Variants in ANGPT2 observed in about 807,000 individuals in gnomAD.
ANGPT2 encodes the protein angiopoietin 2, also known as angiopoietin-2.
In ANGPT2, 28 loss-of-function variants were observed where a neutral mutation model predicts 62.9. The observed-to-expected ratio is 0.44, with a 90% CI of 0.33 to 0.61. The LOEUF is 0.61. Ranked by LOEUF, ANGPT2 falls within the 20% of genes least tolerant of loss-of-function variation. ANGPT2 has a pLI of 0.03. For missense variants in ANGPT2, 727 were observed against 594.9 expected (o/e 1.22, Z -2.31); for synonymous variants, 284 against 207.8 (o/e 1.37, Z -3.15).
intron 2 of ANGPT2, among the ~76,000 whole-genome samples, chr8:6,530,081 G>C (rs2515471): frequency 6.6e-6 from 1 of 151,914 alleles, no homozygotes; most frequent in Non-Finnish European, 1.5e-5. Flanking sequence ...AAGAAATGTT[G>C]TAGTTTAAAA....
chr8:6,516,965 T>C (rs886360572), intron 5 of ANGPT2, among the ~76,000 whole-genome samples: 3 of 152,220 alleles, frequency 2.0e-5, no homozygotes, highest in African/African-American at 7.2e-5. Context: ...GTGATGATGA[T>C]AAGGTTATTA....
chr8:6,529,412 A>G (rs1377442347), intron 2 of ANGPT2, among the ~76,000 whole-genome samples: 2 of 151,432 alleles, frequency 1.3e-5, no homozygotes, highest in African/African-American at 4.9e-5. Context: ...TGGGTACATA[A>G]TTCAGTTTCT....
At chr8:6,523,557 T>C (rs1381187637) in intron 3 of ANGPT2, among the ~76,000 whole-genome samples, 1 of 152,158 alleles carries the variant, frequency 6.6e-6, no homozygotes, top group African/African-American at 2.4e-5. Flanking sequence ...CTCAAAGACA[T>C]GCACAGTCAA....
At chr8:6,512,389 G>C (rs1477438700) in intron 7 of ANGPT2, among the ~76,000 whole-genome samples, 1 of 152,086 alleles carries the variant, frequency 6.6e-6, no homozygotes, top group East Asian at 1.9e-4. Flanking sequence ...TGTCTGACTT[G>C]GGCATTAATG....
intron 1 of ANGPT2, among the ~76,000 whole-genome samples, chr8:6,540,272 T>C (rs1821310959): frequency 6.6e-6 from 1 of 152,256 alleles, no homozygotes; most frequent in Non-Finnish European, 1.5e-5. Flanking sequence ...TACTCCAAAA[T>C]TTGATAAGGA....
rs74941550 is a variant in ANGPT2 at position 6,536,898 on chromosome 8, C to G, written c.289-4411G>C. 6.6e-4 allele frequency among the ~76,000 whole-genome samples: 99 copies of G among 150,020 alleles called. 1 individual carries two copies. The East Asian group carries it at 0.018, about 28-fold the overall frequency. On this transcript the variant is annotated intron_variant, in intron 1 of 8. Transcript: ENST00000629816. Reference sequence around the variant, plus strand: ...TCTCTCTTATTTTTACTGGCTGTGACTGAAACCCAGAAATATAGAAACCTG... The same window carrying G: ...TCTCTCTTATTTTTACTGGCTGTGAGTGAAACCCAGAAATATAGAAACCTG...
intron 1 of ANGPT2, among the ~76,000 whole-genome samples, chr8:6,544,279 C>G (rs1208436120): frequency 6.6e-6 from 1 of 152,210 alleles, no homozygotes; most frequent in African/African-American, 2.4e-5. Flanking sequence ...CGTTCTACTT[C>G]TGTCTGTGGC....
At chr8:6,553,657 G>T (rs1224134933) in intron 1 of ANGPT2, among the ~76,000 whole-genome samples, 1 of 148,718 alleles carries the variant, frequency 6.7e-6, no homozygotes, top group Non-Finnish European at 1.5e-5. Context: ...CCCTGAAATG[G>T]TCTCAAAATT....
chr8:6,532,191 A>G lies in ANGPT2; in HGVS notation c.444+141T>C, dbSNP rs1357674056. The G allele has an allele frequency of 3.0e-6, 3 of 996,776 alleles. No individual in the cohort carries two copies. The East Asian group carries it at 7.3e-5, about 24-fold the overall frequency. 61.7% of individuals were successfully genotyped at this position (996,776 alleles called of 1,614,324 possible). A position where few individuals can be genotyped will look rare whatever the true frequency, so the allele number is the denominator to read the frequency against. On this transcript the variant is annotated intron_variant, in intron 2 of 8. Coordinates refer to ENST00000629816, the MANE Select transcript of ANGPT2 (RefSeq NM_001118887.2). ...AATTCATAAGCAGCCATACATCCTT[A>G]ATTTCTTATCAATTCATTCCTTTTC...
intron 8 of ANGPT2, among the ~76,000 whole-genome samples, 188 bp from the exon 9 acceptor site, chr8:6,503,449 A>T (rs1384840297): frequency 2.6e-5 from 4 of 152,206 alleles, no homozygotes; most frequent in Non-Finnish European, 4.4e-5. Context: ...ATGACATCAC[A>T]GTTCCATTAC....
chr8:6,500,290 C>A lies in ANGPT2; in HGVS notation c.*2811G>T, dbSNP rs1013501352. On this transcript the variant is annotated 3_prime_UTR_variant, in exon 9 of 9. Coordinates refer to ENST00000629816, the MANE Select transcript of ANGPT2 (RefSeq NM_001118887.2). ...GAACTGATAGGTATAAAGATTATGG[C>A]TTGCTGGTGCTGTGATAACAGTATT... The A allele has an allele frequency of 9.5e-6, 2 of 211,390 alleles. No homozygotes were observed. Among genetic ancestry groups the A allele is most frequent in the Admixed American group, 1.1e-4 (2 of 18,472 alleles). The allele number at this position is 211,390 out of a possible 1,614,324, so 13.1% of individuals were successfully genotyped here.
intron 1 of ANGPT2, among the ~76,000 whole-genome samples, chr8:6,547,454 C>T (rs1322855746): frequency 6.6e-6 from 1 of 152,094 alleles, no homozygotes; most frequent in Non-Finnish European, 1.5e-5. Flanking sequence ...AAAAGCATGC[C>T]ATTCAGAACT....
rs566792073 is a variant in ANGPT2, at chr8:6,500,119, T to C, written c.*2982A>G. 1.0e-5 allele frequency: 6 copies of C among 600,436 alleles called. No homozygotes were observed. In the East Asian group the frequency reaches 1.7e-4, roughly 17 times the overall value. The allele number at this position is 600,436 out of a possible 1,614,324, so 37.2% of individuals were successfully genotyped here. ...AACAAATGTGAGAACGTGAGACCAT[T>C]GTGCAAAAAGTAGTGAGGAATGCAG... On this transcript the variant is annotated 3_prime_UTR_variant, in exon 9 of 9. Transcript: ENST00000629816.
rs974465388 is a variant in ANGPT2, at chr8:6,562,834, T to A, written c.101A>T (p.Tyr34Phe). The change falls in exon 1 of 9, where the codon TAT becomes TTT. Residue 34 changes from tyrosine to phenylalanine, a missense_variant. By Grantham distance (22) the Tyr-to-Phe change is conservative. Transcript: ENST00000629816. Reference sequence around the variant, plus strand: ...GCTGCAGGACCCATGCTGGACCTGATATTGCTTCTTTCCTATGCTGTCCAT... The same window carrying A: ...GCTGCAGGACCCATGCTGGACCTGAAATTGCTTCTTTCCTATGCTGTCCAT... ...KSMDSIGKKQ[Y>F]QVQHGSCSYT... The A allele has an allele frequency of 1.2e-6, 2 of 1,613,406 alleles. No individual in the cohort carries two copies. Among genetic ancestry groups the A allele is most frequent in the Non-Finnish European group, 1.7e-6 (2 of 1,179,868 alleles).
At chr8:6,505,315 T>G in intron 8 of ANGPT2, among the ~76,000 whole-genome samples, 4 of 91,140 alleles carry the variant, frequency 4.4e-5, no homozygotes, top group African/African-American at 2.2e-4. Flanking sequence ...ATATAACATA[T>G]ATATGTTATA....
At position 6,508,942 on chromosome 8, in the gene ANGPT2, C is replaced by T; in HGVS notation, c.1317G>A (p.Met439Ile). ...NDKCICKCSQ[M>I]LTGGWWFDAC... ...GAAAGTCATCCCTACCTCCTGTTAG[C>T]ATTTGTGAACATTTGCAAATACATT... Residue 439 changes from methionine to isoleucine, a missense_variant, in exon 8 of 9, where the codon ATG becomes ATA. Physicochemically the swap from Met to Ile is conservative, Grantham distance 10. Coordinates refer to ENST00000629816, the MANE Select transcript of ANGPT2 (RefSeq NM_001118887.2). 1 of 1,614,136 alleles carries T rather than the reference C, an allele frequency of 6.2e-7. No individual in the cohort carries two copies. The highest frequency in any genetic ancestry group is 8.5e-7 in the Non-Finnish European group (1 of 1,180,030).
intron 1 of ANGPT2, among the ~76,000 whole-genome samples, chr8:6,552,000 G>A (rs1001121106): frequency 6.6e-6 from 1 of 152,024 alleles, no homozygotes; most frequent in African/African-American, 2.4e-5. Flanking sequence ...ATAATTACCC[G>A]GTAGATGACC....
intron 5 of ANGPT2, among the ~76,000 whole-genome samples, chr8:6,516,543 C>T (rs542555787): frequency 6.6e-6 from 1 of 152,272 alleles, no homozygotes; most frequent in Admixed American, 6.5e-5. Context: ...TAAATCAGTT[C>T]ATGAATAATA....
At chr8:6,513,964 CTG>C in intron 6 of ANGPT2, 120 bp from the exon 7 acceptor site, 2 of 974,434 alleles carry the variant, frequency 2.1e-6, no homozygotes, top group Non-Finnish European at 3.0e-6. Context: ...CCTTCTGGTG[CTG>C]TGACAATTTA....
Sources: gnomAD v4.1 joint callset for allele counts (sites outside exome capture counted in the v4.1 genomes callset) on GRCh38, gnomAD v4.1.1 for gene constraint, MANE v1.5 for transcripts, NCBI Gene and HGNC (gene_info 2026-07-23, HGNC 2026-07-21) for gene names.